Variants in ENKUR observed in about 807,000 individuals in gnomAD.
ENKUR encodes enkurin.
In ENKUR, 19 loss-of-function variants were observed where a neutral mutation model predicts 27.6. The ratio of observed to expected loss-of-function variants is 0.69; its 90% CI spans 0.48 to 1.01. The LOEUF (loss-of-function observed/expected upper bound fraction) is 1.01. Ranked by LOEUF, ENKUR falls within the 50% of genes least tolerant of loss-of-function variation. The pLI is 0.00. For missense variants in ENKUR, 312 were observed against 310.5 expected (o/e 1.00, Z -0.04); for synonymous variants, 117 against 96.9 (o/e 1.21, Z -1.22).
At chr10:25,002,922 TAA>T (rs563695697) in intron 1 of ENKUR, among the ~76,000 whole-genome samples, 1 of 147,244 alleles carries the variant, frequency 6.8e-6, no homozygotes, top group Admixed American at 6.8e-5. Context: ...TCATTTGGGG[TAA>T]AAAAAAAAGG....
At chr10:25,024,036 G>C in intron 2 of ENKUR, 1 of 1,614,198 alleles carries the variant, frequency 6.2e-7, no homozygotes, top group Middle Eastern at 1.6e-4. Context: ...CTGCAAAGGA[G>C]TTTCCAAAAT....
Position 24,995,661 on chromosome 10 carries a change from C to T in ENKUR, c.432G>A (p.Lys144=). 6 of 1,612,414 alleles carry T rather than the reference C, an allele frequency of 3.7e-6. No individual in the cohort carries two copies. The highest frequency in any genetic ancestry group is 5.1e-6 in the Non-Finnish European group (6 of 1,179,526). Reference sequence around the variant, plus strand: ...ACAAGGCTACCTTTTTATTGATGTACTTTGGAACTAGTCCTGAAGGCTCAA... The same window carrying T: ...ACAAGGCTACCTTTTTATTGATGTATTTTGGAACTAGTCCTGAAGGCTCAA... ...HDLEPSGLVP[K]YINKKDYGVT... Residue 144 remains lysine (K), a synonymous_variant, in exon 3 of 6, where the codon AAG becomes AAA. Coordinates refer to ENST00000331161, the MANE Select transcript of ENKUR (RefSeq NM_145010.4).
At chr10:25,046,546 G>A (rs1034466348) in intron 2 of ENKUR, among the ~76,000 whole-genome samples, 7 of 152,158 alleles carry the variant, frequency 4.6e-5, no homozygotes, top group Non-Finnish European at 7.3e-5. Context: ...TATCACCAGC[G>A]TCAAGACCAT....
intron 2 of ENKUR, among the ~76,000 whole-genome samples, chr10:25,056,924 G>C (rs1398327096): frequency 6.6e-6 from 1 of 152,176 alleles, no homozygotes; most frequent in Non-Finnish European, 1.5e-5. Flanking sequence ...GATCCAGGTA[G>C]GTTCTGGAAT....
chr10:25,043,935 T>A (rs116679729), intron 2 of ENKUR, among the ~76,000 whole-genome samples: 1,989 of 152,236 alleles, frequency 0.013, 54 homozygotes, highest in African/African-American at 0.045. Flanking sequence ...TTGATTCTTT[T>A]TTATACTTCC....
In ENKUR at chr10:25,036,491, T is replaced by A. The variant is rs531871490; in HGVS notation, c.37+24621A>T. Among the ~76,000 whole-genome samples the A allele has an allele frequency of 3.9e-5, 6 of 152,316 alleles. No homozygotes were observed. In the South Asian group the frequency reaches 1.2e-3, roughly 32 times the overall value. ...CAGTTCCCTTTCAAACAGATGTTTTTAAAGTATTTGTTCCACTTTTCTTTG... is the reference window on the plus strand; with the variant it reads ...CAGTTCCCTTTCAAACAGATGTTTTAAAAGTATTTGTTCCACTTTTCTTTG... On this transcript the variant is annotated intron_variant, in intron 2 of 5. Coordinates refer to the ENKUR transcript ENST00000615958.
intron 2 of ENKUR, among the ~76,000 whole-genome samples, chr10:25,044,892 C>G (rs189428690): frequency 7.2e-5 from 11 of 152,344 alleles, no homozygotes; most frequent in African/African-American, 2.6e-4. Context: ...CTTATCCCTA[C>G]TGTGGATTTC....
chr10:25,025,175 A>G (rs1226167521), intron 2 of ENKUR: 1 of 1,614,196 alleles, frequency 6.2e-7, no homozygotes, highest in Non-Finnish European at 8.5e-7. Flanking sequence ...GTGGTTGCAG[A>G]TAGGGTGCAA....
rs150184501 is a variant in ENKUR, at chr10:25,006,034, G to A, written c.78-6488C>T. ...ATAAACTACATAAAGTAAATTTTTC[G>A]TTATTTCTACTTTTTAAAAGTGATT... On this transcript the variant is annotated intron_variant, in intron 1 of 5. Transcript: ENST00000331161. Among the ~76,000 whole-genome samples the A allele has an allele frequency of 2.9e-3, 441 of 152,130 alleles. 2 individuals carry two copies. Among genetic ancestry groups the A allele is most frequent in the African/African-American group, 9.8e-3 (405 of 41,530 alleles).
rs763968585 is a variant in ENKUR at position 25,023,200 on chromosome 10, C to T, written c.38-27331G>A. 3.8e-6 allele frequency: 6 copies of T among 1,584,218 alleles called. No homozygotes were observed. The Admixed American group carries it at 5.4e-5, about 14-fold the overall frequency. ...GGGCTAAAGCCAATTTTTAGGTTGGCTTGGGCAGAAAAGTGAAAAGAGAAT... is the reference window on the plus strand; with the variant it reads ...GGGCTAAAGCCAATTTTTAGGTTGGTTTGGGCAGAAAAGTGAAAAGAGAAT... On this transcript the variant is annotated intron_variant, in intron 2 of 5. Transcript: ENST00000615958.
chr10:25,017,570 T>G (rs184528875), upstream of ENKUR, among the ~76,000 whole-genome samples: 2 of 148,790 alleles, frequency 1.3e-5, no homozygotes, highest in Non-Finnish European at 3.0e-5. Context: ...GTGTAGGTCC[T>G]TACTTTGGGC....
chr10:25,030,070 C>T (rs1407154234), intron 2 of ENKUR, among the ~76,000 whole-genome samples: 1 of 152,114 alleles, frequency 6.6e-6, no homozygotes, highest in Non-Finnish European at 1.5e-5. Flanking sequence ...TTGAAGATTT[C>T]CCCTCTTGAG....
intron 2 of ENKUR, among the ~76,000 whole-genome samples, chr10:25,055,881 C>G (rs1851250579): frequency 6.6e-6 from 1 of 152,154 alleles, no homozygotes; most frequent in Non-Finnish European, 1.5e-5. Flanking sequence ...GCAACTCCAG[C>G]CTGCCAGGTA....
chr10:25,013,662 G>C (rs537437090), intron 1 of ENKUR, among the ~76,000 whole-genome samples: 5 of 152,350 alleles, frequency 3.3e-5, no homozygotes, highest in African/African-American at 9.6e-5. Context: ...AGGGTGATAG[G>C]CCAGGCGTGG....
chr10:25,050,723 C>A (rs1851179277), intron 2 of ENKUR, among the ~76,000 whole-genome samples: 1 of 152,016 alleles, frequency 6.6e-6, no homozygotes, highest in Admixed American at 6.6e-5. Flanking sequence ...ACAGTGAAAC[C>A]CAGGATTAGA....
intron 2 of ENKUR, chr10:25,025,303 T>C (rs757475301): frequency 6.2e-7 from 1 of 1,614,208 alleles, no homozygotes; most frequent in Non-Finnish European, 8.5e-7. Flanking sequence ...TCAGCTCTAT[T>C]TGCTGGGTTC....
chr10:25,052,335 G>A (rs1478053005), intron 2 of ENKUR, among the ~76,000 whole-genome samples: 1 of 152,148 alleles, frequency 6.6e-6, no homozygotes, highest in African/African-American at 2.4e-5. Context: ...CCTTATTCGG[G>A]CCTTTCAAAT....
intron 2 of ENKUR, among the ~76,000 whole-genome samples, chr10:25,022,913 G>A (rs1564348830): frequency 6.6e-6 from 1 of 152,056 alleles, no homozygotes; most frequent in African/African-American, 2.4e-5. Context: ...ACAAGTTTCT[G>A]TTTTTTATAG....
exon 2 of ENKUR, chr10:25,061,151 T>G: frequency 6.5e-7 from 1 of 1,536,096 alleles, no homozygotes; most frequent in Non-Finnish European, 8.7e-7. Flanking sequence ...GTCTTCATGC[T>G]CCGTGGTGAA....
Sources: gnomAD v4.1 joint callset for allele counts (sites outside exome capture counted in the v4.1 genomes callset) on GRCh38, gnomAD v4.1.1 for gene constraint, MANE v1.5 for transcripts, NCBI Gene and HGNC (gene_info 2026-07-23, HGNC 2026-07-21) for gene names.